The following PTPRN2 variants were observed in gnomAD, a reference collection of about 807,000 sequenced individuals.
PTPRN2 encodes the protein receptor-type tyrosine-protein phosphatase N2.
In PTPRN2, 74 loss-of-function variants were observed where a neutral mutation model predicts 118.8. The ratio of observed to expected loss-of-function variants is 0.62; its 90% CI spans 0.52 to 0.76. The LOEUF (loss-of-function observed/expected upper bound fraction) is 0.76, where lower values mean the gene tolerates loss of function less well. Among genes scored for constraint, PTPRN2 ranks in the 30% least tolerant of loss-of-function variants. The pLI is 0.00. For synonymous variants in PTPRN2, 641 were observed against 608.0 expected, an observed-to-expected ratio of 1.05 and a Z score of -0.80; for missense variants, 1,481 against 1,394.4, an observed-to-expected ratio of 1.06 and a Z score of -0.99.
chr7:158,004,077 C>G (rs577051976), intron 11 of PTPRN2, among the ~76,000 whole-genome samples: 1 of 152,316 alleles, frequency 6.6e-6, no homozygotes, highest in Non-Finnish European at 1.5e-5. Flanking sequence ...GTTTGGAAAA[C>G]TTGGTGACTC....
chr7:158,378,263 C>A (rs995612072), intron 2 of PTPRN2, among the ~76,000 whole-genome samples: 1 of 152,226 alleles, frequency 6.6e-6, no homozygotes, highest in African/African-American at 2.4e-5. Flanking sequence ...GCTGTCCCCT[C>A]AGCTCTTGAC....
At chr7:158,073,604 T>C (rs183084844) in intron 11 of PTPRN2, among the ~76,000 whole-genome samples, 2 of 151,314 alleles carry the variant, frequency 1.3e-5, no homozygotes, top group Admixed American at 6.6e-5. Flanking sequence ...TACTAAGGTA[T>C]GAAGACACTG....
In PTPRN2 at chr7:158,529,027, G is replaced by C. The variant is rs879315294; in HGVS notation, c.113-39242C>G. 6.6e-6 allele frequency among the ~76,000 whole-genome samples: 1 copy of C among 151,628 alleles called. No individual in the cohort carries two copies. The highest frequency in any genetic ancestry group is 2.4e-5 in the African/African-American group (1 of 40,892). On this transcript the variant is annotated intron_variant, in intron 1 of 22. Transcript: ENST00000389418. The surrounding 1 kb of genome is among the most constrained non-coding windows in gnomAD (Gnocchi z 4.7). ...TCAGCCTGGCCTTCGAGCCCACCAA[G>C]GGGCTTTGGGATCACACAGCCAGGG...
intron 2 of PTPRN2, among the ~76,000 whole-genome samples, chr7:158,431,654 G>A (rs1369324289): frequency 2.1e-5 from 3 of 144,582 alleles, no homozygotes; most frequent in South Asian, 2.2e-4. Context: ...GGCTCACATC[G>A]AGCACACACT....
intron 9 of PTPRN2, among the ~76,000 whole-genome samples, chr7:158,111,419 C>T (rs953816379): frequency 5.3e-5 from 8 of 152,166 alleles, no homozygotes; most frequent in African/African-American, 9.7e-5. Context: ...GCACTGTGGC[C>T]GCAGACTCCC....
intron 12 of PTPRN2, among the ~76,000 whole-genome samples, chr7:157,888,745 G>A (rs562831234): frequency 2.0e-5 from 3 of 152,286 alleles, no homozygotes; most frequent in South Asian, 2.1e-4. Flanking sequence ...AATGGGTGAC[G>A]GGGGCCGCCA....
intron 12 of PTPRN2, among the ~76,000 whole-genome samples, chr7:157,788,524 G>T (rs1286135439): frequency 6.6e-6 from 1 of 152,182 alleles, no homozygotes; most frequent in Non-Finnish European, 1.5e-5. Context: ...GCCTCCACGG[G>T]GCTGGAGCAG....
chr7:158,416,244 T>C (rs2129418910), intron 2 of PTPRN2, among the ~76,000 whole-genome samples: 1 of 152,350 alleles, frequency 6.6e-6, no homozygotes, highest in Non-Finnish European at 1.5e-5. Context: ...TCAGCCAGGC[T>C]TGGGACAACT....
At chr7:157,880,920 G>A (rs1295586178) in intron 12 of PTPRN2, among the ~76,000 whole-genome samples, 1 of 152,190 alleles carries the variant, frequency 6.6e-6, no homozygotes, top group Non-Finnish European at 1.5e-5. Flanking sequence ...ATGATAAAAA[G>A]GCACTCTGAG....
chr7:158,125,390 G>A (rs959089382), intron 9 of PTPRN2, among the ~76,000 whole-genome samples: 19 of 151,656 alleles, frequency 1.3e-4, no homozygotes, highest in Non-Finnish European at 1.8e-4. Flanking sequence ...CCCCTGCCTC[G>A]CGTACTTCCC....
At chr7:157,788,444 C>T (rs1804219677) in intron 12 of PTPRN2, among the ~76,000 whole-genome samples, 1 of 151,864 alleles carries the variant, frequency 6.6e-6, no homozygotes, top group Non-Finnish European at 1.5e-5. Context: ...TGTCTGGAGA[C>T]CCTGGGAGAA....
Position 158,138,414 on chromosome 7 carries a change from C to T in PTPRN2, c.1012G>A (p.Gly338Ser), listed in dbSNP as rs1290945269. Residue 338 changes from glycine to serine, a missense_variant, in exon 7 of 23, where the codon GGC becomes AGC. Gly to Ser is a moderately conservative substitution (Grantham distance 56, BLOSUM62 0). Coordinates refer to ENST00000389418, the MANE Select transcript of PTPRN2 (RefSeq NM_002847.5). The part of the protein sequence containing the change: ...ELDGMAELMA[G>S]LMQGVDHGVA... ...CCATGGTCCACGCCTTGCATCAGGCCAGCCATCAGCTCAGCCATGCCGTCC... is the reference window on the plus strand; with the variant it reads ...CCATGGTCCACGCCTTGCATCAGGCTAGCCATCAGCTCAGCCATGCCGTCC... The T allele has an allele frequency of 1.3e-5, 21 of 1,613,502 alleles. No individual in the cohort carries two copies. The highest frequency in any genetic ancestry group is 1.1e-5 in the Non-Finnish European group (13 of 1,179,930).
Position 157,811,601 on chromosome 7 carries a change from G to A in PTPRN2, c.1788+87072C>T, listed in dbSNP as rs534204386. ...CACCAGGCATCACACAGGAACGTGCGTGAGCCCATGAAATACTTGCTCAAT... is the reference window on the plus strand; with the variant it reads ...CACCAGGCATCACACAGGAACGTGCATGAGCCCATGAAATACTTGCTCAAT... On this transcript the variant is annotated intron_variant, in intron 12 of 22. Transcript: ENST00000389418. Among the ~76,000 whole-genome samples, 180 of 152,160 alleles carry A rather than the reference G, an allele frequency of 1.2e-3. 1 individual carries two copies. The highest frequency in any genetic ancestry group is 4.3e-3 in the African/African-American group (178 of 41,496).
At chr7:158,064,075 C>T (rs1432093122) in intron 11 of PTPRN2, among the ~76,000 whole-genome samples, 1 of 152,204 alleles carries the variant, frequency 6.6e-6, no homozygotes, top group Non-Finnish European at 1.5e-5. Flanking sequence ...ACCATCTCAG[C>T]AGAATGTGGC....
At chr7:157,956,795 G>T (rs142022549) in intron 11 of PTPRN2, among the ~76,000 whole-genome samples, 1 of 152,234 alleles carries the variant, frequency 6.6e-6, no homozygotes, top group South Asian at 2.1e-4. Flanking sequence ...CAGAAGGCCT[G>T]ACTGCTTTTG....
In PTPRN2 at chr7:157,583,464, C is replaced by T. The variant is rs989805902; in HGVS notation, c.2497-5324G>A. On this transcript the variant is annotated intron_variant, in intron 17 of 22. Transcript: ENST00000389418. The surrounding 1 kb of genome is among the most constrained non-coding windows in gnomAD (Gnocchi z 5.5). The stretch of plus-strand genomic sequence containing the variant: ...TTGCCAGGAGAGTAGGCTTCAGGTG[C>T]TTCACCACACACAAAGAAACGGTAA... Among the ~76,000 whole-genome samples, 1 of 152,136 alleles carries T rather than the reference C, an allele frequency of 6.6e-6. No homozygotes were observed.
At chr7:158,332,816 C>T (rs1282929333) in intron 2 of PTPRN2, among the ~76,000 whole-genome samples, 1 of 151,612 alleles carries the variant, frequency 6.6e-6, no homozygotes, top group African/African-American at 2.4e-5. Context: ...CACTCACGTA[C>T]ACACTTCTCA....
At chr7:157,623,665 G>A (rs1803396277) in intron 14 of PTPRN2, among the ~76,000 whole-genome samples, 1 of 152,132 alleles carries the variant, frequency 6.6e-6, no homozygotes, top group Non-Finnish European at 1.5e-5. Context: ...AATATAAACT[G>A]AGCCTGTGTG....
At chr7:158,149,588 A>T (rs569182706) in intron 6 of PTPRN2, among the ~76,000 whole-genome samples, 31 of 152,274 alleles carry the variant, frequency 2.0e-4, no homozygotes, top group African/African-American at 6.7e-4. Flanking sequence ...GGATCACCTG[A>T]GGTCAGGAGT....
Sources: allele counts gnomAD v4.1 joint callset (sites outside exome capture counted in the v4.1 genomes callset), GRCh38; gene constraint gnomAD v4.1.1; non-coding constraint Gnocchi (gnomAD v3.1); transcripts MANE v1.5; gene names NCBI Gene and HGNC (gene_info 2026-07-23, HGNC 2026-07-21).